RNF13: variants seen among roughly 807,000 people sequenced by gnomAD.
RNF13 encodes the protein E3 ubiquitin-protein ligase RNF13.
A neutral mutation model predicts 37.7 loss-of-function variants in RNF13; 19 were observed. The observed-to-expected ratio is 0.50, with a 90% CI of 0.35 to 0.74. The LOEUF (loss-of-function observed/expected upper bound fraction) is 0.74, where lower values mean the gene tolerates loss of function less well. RNF13 is among the 30% of genes least tolerant of loss of function. The probability of loss-of-function intolerance (pLI) is 0.01; values close to 1 mark genes in which losing one functional copy is unlikely to be tolerated. For missense variants in RNF13, 375 were observed against 453.0 expected, an observed-to-expected ratio of 0.83 and a Z score of 1.56; for synonymous variants, 144 against 157.8, an observed-to-expected ratio of 0.91 and a Z score of 0.65.
Position 149,827,947 on chromosome 3 carries a change from AT to A in RNF13, c.-17+14610del, listed in dbSNP as rs74270319. Among the ~76,000 whole-genome samples the A allele has an allele frequency of 6.5e-3, 897 of 137,480 alleles. 1 individual carries two copies. The highest frequency in any genetic ancestry group is 7.6e-3 in the Middle Eastern group (2 of 262). 90.2% of individuals were successfully genotyped at this position (137,480 alleles called of 152,430 possible). A position where few individuals can be genotyped will look rare whatever the true frequency, so the allele number is the denominator to read the frequency against. ...CAGCAAGGCAAGACCCTATCTCTCT[AT>A]TTTTTTTTTTTTTTTAAAGAAACAG... is the stretch of plus-strand genomic sequence containing the variant. On this transcript the variant is annotated intron_variant, in intron 1 of 9. Transcript: ENST00000392894.
At chr3:149,840,446 G>A (rs2108361429) in intron 1 of RNF13, among the ~76,000 whole-genome samples, 1 of 152,230 alleles carries the variant, frequency 6.6e-6, no homozygotes, top group South Asian at 2.1e-4. Flanking sequence ...GGCACAAGGA[G>A]GAGGAAAAGG....
intron 8 of RNF13, among the ~76,000 whole-genome samples, chr3:149,958,731 A>C (rs1722098472): frequency 6.6e-6 from 1 of 152,240 alleles, no homozygotes; most frequent in South Asian, 2.1e-4. Context: ...ATTAAAAACA[A>C]TAATTGCAGA....
intron 1 of RNF13, among the ~76,000 whole-genome samples, chr3:149,829,348 C>T (rs958194707): frequency 2.6e-5 from 4 of 152,146 alleles, no homozygotes; most frequent in African/African-American, 7.2e-5. Context: ...GATCCTCCTG[C>T]CTCGGCCTCC....
At chr3:149,867,346 A>G (rs1157027122) in intron 3 of RNF13, among the ~76,000 whole-genome samples, 1 of 151,600 alleles carries the variant, frequency 6.6e-6, no homozygotes, top group Non-Finnish European at 1.5e-5. Flanking sequence ...GCTCACTGCA[A>G]GCTCCGCCTC....
At chr3:149,895,194 G>A (rs528587729) in intron 4 of RNF13, 3 of 272,270 alleles carry the variant, frequency 1.1e-5, no homozygotes, top group South Asian at 1.4e-4. Context: ...CAGAGGTTAG[G>A]AAACTGAGGG....
chr3:149,897,198 C>T (rs1381382526), intron 5 of RNF13, among the ~76,000 whole-genome samples: 3 of 152,158 alleles, frequency 2.0e-5, no homozygotes, highest in Non-Finnish European at 4.4e-5. Context: ...GGCCTGAATT[C>T]GAAATCAAAT....
At chr3:149,884,770 T>A (rs964405594) in intron 4 of RNF13, among the ~76,000 whole-genome samples, 1 of 152,168 alleles carries the variant, frequency 6.6e-6, no homozygotes, top group African/African-American at 2.4e-5. Flanking sequence ...GTTTTACTTT[T>A]TAGTTCCTTT....
chr3:149,944,789 G>A (rs1720609739), intron 8 of RNF13, among the ~76,000 whole-genome samples: 2 of 152,070 alleles, frequency 1.3e-5, no homozygotes, highest in African/African-American at 4.8e-5. Context: ...AGTTTCTTTT[G>A]CTGTGCAGAA....
chr3:149,867,729 T>C (rs1051833444), intron 3 of RNF13, among the ~76,000 whole-genome samples: 2 of 151,926 alleles, frequency 1.3e-5, no homozygotes, highest in African/African-American at 4.8e-5. Context: ...CTTGTTTCTT[T>C]ATCCATCCAG....
intron 8 of RNF13, among the ~76,000 whole-genome samples, chr3:149,949,218 A>G (rs1486684243): frequency 1.3e-5 from 2 of 152,176 alleles, no homozygotes; most frequent in Non-Finnish European, 2.9e-5. Flanking sequence ...TTCCTATAGA[A>G]TAAGTCTAGT....
At chr3:149,853,805 C>T (rs1448893526) in intron 3 of RNF13, among the ~76,000 whole-genome samples, 4 of 137,362 alleles carry the variant, frequency 2.9e-5, no homozygotes, top group Non-Finnish European at 6.4e-5. Flanking sequence ...AGAATGTTTT[C>T]AGTTTATTCT....
chr3:149,897,876 G>A lies in RNF13; in HGVS notation c.409+2316G>A, dbSNP rs1235344204. Among the ~76,000 whole-genome samples the A allele has an allele frequency of 3.9e-5, 6 of 152,118 alleles. No homozygotes were observed. The South Asian group carries it at 6.2e-4, about 16-fold the overall frequency. On this transcript the variant is annotated intron_variant, in intron 5 of 9. Coordinates refer to ENST00000392894, the MANE Select transcript of RNF13 (RefSeq NM_183381.3). ...AAGCCCCTTCCTGTTGACACTTCAC[G>A]TAAGGAATATACCAATTTTTATTTC... is the stretch of plus-strand genomic sequence containing the variant.
intron 8 of RNF13, among the ~76,000 whole-genome samples, chr3:149,959,341 C>G (rs528244878): frequency 6.6e-6 from 1 of 152,256 alleles, no homozygotes; most frequent in South Asian, 2.1e-4. Context: ...CAAACAAAAA[C>G]TGCTAGTTCC....
intron 6 of RNF13, among the ~76,000 whole-genome samples, chr3:149,902,919 C>G (rs1715993634): frequency 6.6e-6 from 1 of 152,082 alleles, no homozygotes; most frequent in Non-Finnish European, 1.5e-5. Context: ...ATTTTGTTAT[C>G]CATTTAATCC....
intron 1 of RNF13, among the ~76,000 whole-genome samples, chr3:149,823,481 G>T (rs1483739051): frequency 1.3e-5 from 2 of 152,172 alleles, no homozygotes; most frequent in African/African-American, 4.8e-5. Context: ...TGGGCAATAT[G>T]TATGAAGTCT....
chr3:149,947,140 C>T (rs767347665), intron 8 of RNF13, among the ~76,000 whole-genome samples: 1 of 152,074 alleles, frequency 6.6e-6, no homozygotes, highest in Non-Finnish European at 1.5e-5. Flanking sequence ...ATTTGTATGA[C>T]TTCAATCTTC....
intron 8 of RNF13, among the ~76,000 whole-genome samples, chr3:149,934,792 T>A (rs1021433078): frequency 3.9e-5 from 6 of 152,050 alleles, no homozygotes; most frequent in African/African-American, 1.4e-4. Flanking sequence ...CCCAGCTAAT[T>A]TTTTTGTAGA....
chr3:149,912,025 A>G lies in RNF13; in HGVS notation c.548A>G (p.Tyr183Cys), dbSNP rs1250628602. The G allele has an allele frequency of 1.2e-6, 2 of 1,601,602 alleles. No homozygotes were observed. Among genetic ancestry groups the G allele is most frequent in the Non-Finnish European group, 1.7e-6 (2 of 1,169,646 alleles). The change falls in exon 7 of 10, where the codon TAC becomes TGC. Residue 183 changes from tyrosine to cysteine, a missense_variant. Transcript: ENST00000392894. ...VPEFSLPLEY[Y>C]LIPFLIIVGI... is the part of the protein sequence containing the mutation. ...GAATTTAGTCTTCCTTTGGAATACT[A>G]CCTAATTCCCTTCCTTATCATAGTG...
chr3:149,886,058 TTC>T (rs1460563466), intron 4 of RNF13, among the ~76,000 whole-genome samples: 1 of 152,180 alleles, frequency 6.6e-6, no homozygotes. Flanking sequence ...GTGGATTTGT[TTC>T]TGTGTTTTCT....
Sources: gnomAD v4.1 joint callset for allele counts (sites outside exome capture counted in the v4.1 genomes callset) on GRCh38, gnomAD v4.1.1 for gene constraint, MANE v1.5 for transcripts, NCBI Gene and HGNC (gene_info 2026-07-23, HGNC 2026-07-21) for gene names.